PINX1: variants seen among roughly 807,000 people sequenced by gnomAD.
PINX1 encodes PIN2/TERF1-interacting telomerase inhibitor 1.
PINX1 carries 34 observed loss-of-function variants against 25.4 expected under a neutral mutation model. The observed-to-expected ratio is 1.34, with a 90% CI of 1.02 to 1.78. PINX1 has a LOEUF of 1.78. PINX1 is among the 40% of genes most tolerant of loss of function. The pLI is 0.00. For missense variants in PINX1, 592 were observed against 404.9 expected (o/e 1.46, Z -3.97); for synonymous variants, 197 against 147.7 (o/e 1.33, Z -2.42).
At chr8:10,830,673 A>C (rs1014272153) in intron 4 of PINX1, among the ~76,000 whole-genome samples, 1 of 152,232 alleles carries the variant, frequency 6.6e-6, no homozygotes, top group Non-Finnish European at 1.5e-5. Flanking sequence ...GTACTTAGAC[A>C]CTTCTTCAAA....
chr8:10,808,234 G>A (rs1802517726), intron 6 of PINX1, among the ~76,000 whole-genome samples: 4 of 152,166 alleles, frequency 2.6e-5, no homozygotes, highest in African/African-American at 7.2e-5. Flanking sequence ...TACCAAAACA[G>A]AAGTCCACAT....
chr8:10,769,393 G>T (rs1021936859), intron 6 of PINX1, among the ~76,000 whole-genome samples: 1 of 152,180 alleles, frequency 6.6e-6, no homozygotes, highest in African/African-American at 2.4e-5. Context: ...TTTGATGACT[G>T]ACTTTCCCAA....
intron 6 of PINX1, among the ~76,000 whole-genome samples, chr8:10,781,680 G>C (rs771409343): frequency 2.0e-5 from 3 of 152,160 alleles, no homozygotes; most frequent in Non-Finnish European, 4.4e-5. Context: ...AAAAAGATAA[G>C]AGATAATAAG....
chr8:10,804,269 C>T (rs1055494711), intron 6 of PINX1, among the ~76,000 whole-genome samples: 1 of 152,194 alleles, frequency 6.6e-6, no homozygotes, highest in Non-Finnish European at 1.5e-5. Context: ...ACTCTCATCA[C>T]CAGAGCCTAG....
At chr8:10,766,193 CAGAAGGG>C (rs1021878956) in intron 6 of PINX1, among the ~76,000 whole-genome samples, 2 of 152,208 alleles carry the variant, frequency 1.3e-5, no homozygotes, top group African/African-American at 4.8e-5. Flanking sequence ...AAGCTAATGT[CAGAAGGG>C]AGCAGGCAAG....
chr8:10,783,244 A>G (rs1486561191), intron 6 of PINX1, among the ~76,000 whole-genome samples: 2 of 152,212 alleles, frequency 1.3e-5, no homozygotes, highest in African/African-American at 4.8e-5. Flanking sequence ...CACTGGAGTT[A>G]TACATTTTAA....
chr8:10,802,167 T>G (rs1333840432), intron 6 of PINX1, among the ~76,000 whole-genome samples: 2 of 152,098 alleles, frequency 1.3e-5, no homozygotes, highest in African/African-American at 2.4e-5. Context: ...AATCAAGAAC[T>G]TCCTTGGAAT....
chr8:10,766,003 ACACCTGGCACCCACACCCGGCGC>A, intron 6 of PINX1, 87 bp from the exon 7 acceptor site: 1 of 1,321,284 alleles, frequency 7.6e-7, no homozygotes, highest in Non-Finnish European at 1.0e-6. Flanking sequence ...CCCGGCGCTC[ACACCTGGCACCCACACCCGGCGC>A]TCACACCCGG....
chr8:10,789,964 C>T (rs1211284458), intron 6 of PINX1, among the ~76,000 whole-genome samples: 1 of 152,158 alleles, frequency 6.6e-6, no homozygotes, highest in Non-Finnish European at 1.5e-5. Context: ...ACCGAAAAAA[C>T]CCTACAAGCC....
At chr8:10,820,071 C>A in intron 6 of PINX1, 122 bp downstream of exon 6, 1 of 693,350 alleles carries the variant, frequency 1.4e-6, no homozygotes, top group South Asian at 1.6e-5. Flanking sequence ...GTGCATGAAG[C>A]CTCCAAAGTG....
At chr8:10,803,018 C>T (rs555265173) in intron 6 of PINX1, among the ~76,000 whole-genome samples, 1 of 152,176 alleles carries the variant, frequency 6.6e-6, no homozygotes, top group East Asian at 1.9e-4. Context: ...CAATGTCACA[C>T]AAAATTAAAC....
At chr8:10,799,773 G>C (rs1241874246) in intron 6 of PINX1, among the ~76,000 whole-genome samples, 4 of 152,198 alleles carry the variant, frequency 2.6e-5, no homozygotes, top group African/African-American at 9.6e-5. Context: ...GGGATCAAGG[G>C]AGGACAATGT....
chr8:10,793,875 G>A (rs1461167462), intron 6 of PINX1, among the ~76,000 whole-genome samples: 2 of 152,094 alleles, frequency 1.3e-5, no homozygotes, highest in Admixed American at 6.5e-5. Flanking sequence ...GACCTGTACA[G>A]ATTTAACTCA....
chr8:10,837,897 A>ACAT (rs1420627146), intron 1 of PINX1, among the ~76,000 whole-genome samples: 1 of 152,246 alleles, frequency 6.6e-6, no homozygotes, highest in African/African-American at 2.4e-5. Flanking sequence ...TTGAGTCCTT[A>ACAT]CATAAGGAAC....
chr8:10,765,888 T>C lies in PINX1; in HGVS notation c.500A>G (p.Glu167Gly), dbSNP rs1586120906. Residue 167 changes from glutamate (E) to glycine (G), a missense_variant, in exon 7 of 7, where the codon GAG (glutamate) becomes GGG (glycine). Glu to Gly is a moderately conservative substitution (Grantham distance 98). Transcript: ENST00000314787. ...EGDASPSTPE[E>G]NETTTTSAFT... ...GGCGCTGGTTGTCGTGGTTTCGTTC[T>C]CCTCTGGAGTGGAGGGACTGGCATC... 2 of 1,613,514 alleles carry C rather than the reference T, an allele frequency of 1.2e-6. No individual in the cohort carries two copies. The highest frequency in any genetic ancestry group is 1.7e-6 in the Non-Finnish European group (2 of 1,179,828).
intron 6 of PINX1, among the ~76,000 whole-genome samples, chr8:10,819,437 C>G (rs546004377): frequency 6.4e-4 from 97 of 152,274 alleles, no homozygotes; most frequent in African/African-American, 2.3e-3. Context: ...GTGGTCACAA[C>G]CATATATTCC....
chr8:10,798,851 T>C (rs1358380555), intron 6 of PINX1, among the ~76,000 whole-genome samples: 2 of 152,204 alleles, frequency 1.3e-5, no homozygotes, highest in African/African-American at 2.4e-5. Context: ...TTCTAATAAG[T>C]CCACCGGGTG....
intron 6 of PINX1, among the ~76,000 whole-genome samples, chr8:10,766,746 G>A (rs1282481821): frequency 6.6e-6 from 1 of 152,194 alleles, no homozygotes; most frequent in Non-Finnish European, 1.5e-5. Flanking sequence ...CTCATTGTCA[G>A]GTAATATCTG....
chr8:10,780,298 T>C (rs924403298), intron 6 of PINX1, among the ~76,000 whole-genome samples: 3 of 152,208 alleles, frequency 2.0e-5, no homozygotes, highest in African/African-American at 7.2e-5. Context: ...GTACCAGATC[T>C]TAGAGGGAAA....
Sources: allele counts gnomAD v4.1 joint callset (sites outside exome capture counted in the v4.1 genomes callset), GRCh38; gene constraint gnomAD v4.1.1; transcripts MANE v1.5; gene names NCBI Gene and HGNC (gene_info 2026-07-23, HGNC 2026-07-21).